APBA2: variants seen among roughly 807,000 people sequenced by gnomAD.
The protein encoded by APBA2 is amyloid beta precursor protein binding family A member 2, also known as amyloid-beta A4 precursor protein-binding family A member 2.
A neutral mutation model predicts 75.0 loss-of-function variants in APBA2; 30 were observed. The observed-to-expected ratio is 0.40, with a 90% CI of 0.30 to 0.54. The LOEUF (loss-of-function observed/expected upper bound fraction) is 0.54. Ranked by LOEUF, APBA2 falls within the 20% of genes least tolerant of loss-of-function variation. The pLI, the probability that APBA2 is intolerant of heterozygous loss-of-function variation, is 0.49. For synonymous variants in APBA2, 444 were observed against 409.6 expected, an observed-to-expected ratio of 1.08 and a Z score of -1.01; for missense variants, 801 against 1,016.1, an observed-to-expected ratio of 0.79 and a Z score of 2.88.
chr15:29,026,992 C>G (rs1307344875), intron 3 of APBA2, among the ~76,000 whole-genome samples: 1 of 152,166 alleles, frequency 6.6e-6, no homozygotes. Context: ...AAGAAGTTGG[C>G]AATAGCCAAT....
At chr15:29,102,734 G>T (rs1179958016) in intron 10 of APBA2, 1 of 150,284 alleles carries the variant, frequency 6.7e-6, no homozygotes, top group African/African-American at 2.4e-5. Context: ...ACTCCAGCCT[G>T]GGTGACAAGA....
In APBA2 at chr15:29,054,090, A is replaced by G. The variant is rs1400012288; in HGVS notation, c.206A>G (p.Asp69Gly). 1 of 1,614,100 alleles carries G rather than the reference A, an allele frequency of 6.2e-7. No homozygotes were observed. The highest frequency in any genetic ancestry group is 1.1e-5 in the South Asian group (1 of 91,084). Residue 69 changes from aspartate (D) to glycine (G), a missense_variant, in exon 4 of 15, where the codon GAT becomes GGT. Physicochemically the swap from Asp to Gly is moderately conservative, Grantham distance 94. Transcript: ENST00000683413. This position sits in a 1 kb window ranked among gnomAD's most constrained non-coding sequence, Gnocchi z 6.1. Reference sequence around the variant, plus strand: ...CAGGAGTGCCACAACCACAGCCCCGATGGGGACTCCAGCTCTGACTACGTG... The same window carrying G: ...CAGGAGTGCCACAACCACAGCCCCGGTGGGGACTCCAGCTCTGACTACGTG... ...EEQECHNHSP[D>G]GDSSSDYVNN...
In APBA2 at chr15:29,046,026, C is replaced by T. The variant is rs147924669; in HGVS notation, c.-40-7819C>T. Among the ~76,000 whole-genome samples, 5 of 152,224 alleles carry T rather than the reference C, an allele frequency of 3.3e-5. No homozygotes were observed. The highest frequency in any genetic ancestry group is 7.4e-5 in the Non-Finnish European group (5 of 68,018). ...AGTAATTGGAGATTCTTTGACCAGA[C>T]GTTTTGAGAGTCTGGCAGCCCGGAA... On this transcript the variant is annotated intron_variant, in intron 3 of 14. Transcript: ENST00000683413. The surrounding 1 kb of genome is among the most constrained non-coding windows in gnomAD (Gnocchi z 5.0).
At position 29,092,771 on chromosome 15, in the gene APBA2, T is replaced by C. The variant is rs545320213; in HGVS notation, c.1070-304T>C. Among the ~76,000 whole-genome samples the C allele has an allele frequency of 2.0e-5, 3 of 152,326 alleles. No homozygotes were observed. In the East Asian group the frequency reaches 5.8e-4, roughly 29 times the overall value. On this transcript the variant is annotated intron_variant, in intron 6 of 14. Coordinates refer to ENST00000683413, the MANE Select transcript of APBA2 (RefSeq NM_001353788.2). The stretch of plus-strand genomic sequence containing the variant: ...GTTGTGTTTGGGATGTGACGCCTTC[T>C]GGATTTGCAGCCTGTGATTGTCATC...
intron 9 of APBA2, among the ~76,000 whole-genome samples, chr15:29,098,966 A>G (rs2043986586): frequency 6.6e-6 from 1 of 151,784 alleles, no homozygotes. Flanking sequence ...ATACCCTGAT[A>G]CGGGCACAGG....
intron 6 of APBA2, among the ~76,000 whole-genome samples, chr15:29,087,574 G>A (rs79742918): frequency 0.054 from 8,170 of 152,270 alleles, 555 homozygotes; most frequent in African/African-American, 0.16. Context: ...CTTCTCTTTC[G>A]TATCAGCCAT....
At chr15:28,963,666 G>A (rs2036589506) in intron 2 of APBA2, among the ~76,000 whole-genome samples, 1 of 152,166 alleles carries the variant, frequency 6.6e-6, no homozygotes. Flanking sequence ...AAATCTCAAG[G>A]AATTTGGGGG....
At chr15:28,947,865 C>T (rs893522158) in intron 2 of APBA2, among the ~76,000 whole-genome samples, 3 of 152,024 alleles carry the variant, frequency 2.0e-5, no homozygotes, top group African/African-American at 7.3e-5. Flanking sequence ...TGGAAATTTT[C>T]AAAACTGACT....
At chr15:29,109,286 C>T (rs139543171) in intron 13 of APBA2, among the ~76,000 whole-genome samples, 418 of 152,278 alleles carry the variant, frequency 2.7e-3, no homozygotes, top group Admixed American at 6.9e-3. Context: ...AGGGTTACAC[C>T]CACCGTCAGG....
intron 2 of APBA2, among the ~76,000 whole-genome samples, chr15:28,935,336 T>G (rs2034798825): frequency 6.6e-6 from 1 of 151,982 alleles, no homozygotes; most frequent in African/African-American, 2.4e-5. Flanking sequence ...ATGGCAAGGA[T>G]GGGAATGGGG....
At position 29,117,046 on chromosome 15, in the gene APBA2, C is replaced by CTGTT; in HGVS notation, c.2179-14_2179-11dup. 1 of 1,612,992 alleles carries CTGTT rather than the reference C, an allele frequency of 6.2e-7. No individual in the cohort carries two copies. The highest frequency in any genetic ancestry group is 8.5e-7 in the Non-Finnish European group (1 of 1,179,788). On this transcript the variant is annotated splice_polypyrimidine_tract_variant and intron_variant, in intron 14 of 14. Transcript: ENST00000683413. ...GGTGGGAGGGCAGCGGCTCAGCCTCCTGTTTCTGTCCGCAGATCCACATGA... is the reference window on the plus strand; with the variant it reads ...GGTGGGAGGGCAGCGGCTCAGCCTCCTGTTTGTTTCTGTCCGCAGATCCACATGA...
rs1381645086 is a variant in APBA2, at chr15:28,991,665, C to T, written c.-94-4088C>T. On this transcript the variant is annotated intron_variant, in intron 2 of 14. Transcript: ENST00000683413. The surrounding 1 kb of genome is among the most constrained non-coding windows in gnomAD (Gnocchi z 4.7). Reference sequence around the variant, plus strand: ...AGGCTGGTACCAGGAGGAGCCAGGTCGAGCTGGCACTGGGGCGACGCTCTG... The same window carrying T: ...AGGCTGGTACCAGGAGGAGCCAGGTTGAGCTGGCACTGGGGCGACGCTCTG... 6.6e-6 allele frequency among the ~76,000 whole-genome samples: 1 copy of T among 152,122 alleles called. No individual in the cohort carries two copies. Among genetic ancestry groups the T allele is most frequent in the Non-Finnish European group, 1.5e-5 (1 of 68,008 alleles).
chr15:29,070,034 T>G (rs949222253), intron 4 of APBA2, among the ~76,000 whole-genome samples: 1 of 152,064 alleles, frequency 6.6e-6, no homozygotes, highest in Non-Finnish European at 1.5e-5. Flanking sequence ...CAGGCCAGAG[T>G]GTGCTATCAG....
intron 2 of APBA2, among the ~76,000 whole-genome samples, chr15:28,972,720 C>T (rs954902629): frequency 2.0e-5 from 3 of 152,308 alleles, no homozygotes; most frequent in South Asian, 2.1e-4. Context: ...AGAGGCTGGA[C>T]GGCAGAAATG....
At chr15:28,963,101 C>G (rs1442969374) in intron 2 of APBA2, among the ~76,000 whole-genome samples, 1 of 152,120 alleles carries the variant, frequency 6.6e-6, no homozygotes, top group Non-Finnish European at 1.5e-5. Flanking sequence ...AGACCTAAAG[C>G]CTTTAGTGAA....
chr15:28,924,612 C>T (rs2034157215), intron 2 of APBA2, among the ~76,000 whole-genome samples: 1 of 152,222 alleles, frequency 6.6e-6, no homozygotes, highest in Non-Finnish European at 1.5e-5. Context: ...CTTTCTAAGG[C>T]TGAACAATAT....
At chr15:28,942,206 T>A (rs1263277180) in intron 2 of APBA2, among the ~76,000 whole-genome samples, 3 of 152,252 alleles carry the variant, frequency 2.0e-5, no homozygotes, top group Non-Finnish European at 4.4e-5. Context: ...TGGTGCAGGA[T>A]GTGGCGCTTC....
chr15:29,007,766 G>A (rs1200245681), intron 3 of APBA2, among the ~76,000 whole-genome samples: 1 of 152,196 alleles, frequency 6.6e-6, no homozygotes, highest in Non-Finnish European at 1.5e-5. Context: ...GAACCCTTGT[G>A]CACTTTAGGT....
At chr15:29,068,232 A>G (rs1245591898) in intron 4 of APBA2, among the ~76,000 whole-genome samples, 2 of 152,228 alleles carry the variant, frequency 1.3e-5, no homozygotes, top group African/African-American at 4.8e-5. Flanking sequence ...TGCTGTCGTT[A>G]AACTGTGCAC....
Sources: gnomAD v4.1 joint callset for allele counts (sites outside exome capture counted in the v4.1 genomes callset) on GRCh38, gnomAD v4.1.1 for gene constraint, Gnocchi (gnomAD v3.1) non-coding constraint, MANE v1.5 for transcripts, NCBI Gene and HGNC (gene_info 2026-07-23, HGNC 2026-07-21) for gene names.